SCHIP1: variants seen among roughly 807,000 people sequenced by gnomAD.
The protein encoded by SCHIP1 is schwannomin interacting protein 1, also known as schwannomin-interacting protein 1.
A neutral mutation model predicts 29.7 loss-of-function variants in SCHIP1; 8 were observed. The observed-to-expected ratio is 0.27, with a 90% CI of 0.16 to 0.49. SCHIP1 has a LOEUF of 0.49. SCHIP1 is among the 20% of genes least tolerant of loss of function. The pLI, the probability that SCHIP1 is intolerant of heterozygous loss-of-function variation, is 0.99. For synonymous variants in SCHIP1, 76 were observed against 94.9 expected, an observed-to-expected ratio of 0.80 and a Z score of 1.16; for missense variants, 193 against 294.6, an observed-to-expected ratio of 0.66 and a Z score of 2.52.
At chr3:159,584,382 A>T in the SCHIP1 span, among the ~76,000 whole-genome samples, 1 of 152,188 alleles carries the variant, frequency 6.6e-6, no homozygotes, top group Non-Finnish European at 1.5e-5. Flanking sequence ...AGTGCTATTT[A>T]ACGTTATCTT....
the SCHIP1 span, among the ~76,000 whole-genome samples, chr3:159,802,197 G>T: frequency 1.3e-5 from 2 of 151,870 alleles, no homozygotes; most frequent in African/African-American, 4.8e-5. Context: ...TTTATTTTTT[G>T]GCAGGTACTG....
chr3:159,683,655 G>A, the SCHIP1 span, among the ~76,000 whole-genome samples: 9 of 152,094 alleles, frequency 5.9e-5, no homozygotes, highest in South Asian at 6.2e-4. Context: ...GTCAACATAA[G>A]ATGCCCTCAA....
At chr3:159,539,245 A>AT in the SCHIP1 span, among the ~76,000 whole-genome samples, 11 of 139,250 alleles carry the variant, frequency 7.9e-5, no homozygotes, top group East Asian at 2.3e-4. Context: ...ATCAATTTTC[A>AT]AAGAACTTAG....
At chr3:159,370,558 T>C in the SCHIP1 span, among the ~76,000 whole-genome samples, 3 of 152,202 alleles carry the variant, frequency 2.0e-5, no homozygotes, top group African/African-American at 7.2e-5. Context: ...TGGTTGAGTC[T>C]GTGAGAGTGT....
the SCHIP1 span, among the ~76,000 whole-genome samples, chr3:159,546,965 T>C: frequency 6.6e-6 from 1 of 152,208 alleles, no homozygotes; most frequent in Non-Finnish European, 1.5e-5. Context: ...TCAAATGGTA[T>C]TGCTGATTCT....
At chr3:159,894,787 G>C (rs1037276763) in intron 6 of SCHIP1, 2 of 151,388 alleles carry the variant, frequency 1.3e-5, no homozygotes, top group African/African-American at 4.9e-5. Context: ...ATAACTTGCT[G>C]ATAAGAACCT....
chr3:159,484,541 T>C, the SCHIP1 span, among the ~76,000 whole-genome samples: 1 of 152,186 alleles, frequency 6.6e-6, no homozygotes, highest in African/African-American at 2.4e-5. Flanking sequence ...TGTCATTATG[T>C]GGCAGGAGAG....
At chr3:159,813,129 C>T in the SCHIP1 span, among the ~76,000 whole-genome samples, 2 of 152,218 alleles carry the variant, frequency 1.3e-5, no homozygotes, top group African/African-American at 4.8e-5. Context: ...GGGGACCAAG[C>T]TTCAACATGA....
At chr3:159,852,807 G>A (rs976881509) in intron 1 of SCHIP1, 1 of 152,208 alleles carries the variant, frequency 6.6e-6, no homozygotes, top group Non-Finnish European at 1.5e-5. Context: ...AAACATCTGT[G>A]TTACAGGTCA....
the SCHIP1 span, among the ~76,000 whole-genome samples, chr3:159,616,086 C>T: frequency 6.1e-5 from 9 of 147,160 alleles, no homozygotes; most frequent in Non-Finnish European, 1.3e-4. Flanking sequence ...GACAAGTCCT[C>T]TCAGAGAGCC....
chr3:159,882,295 T>C (rs1716520496), intron 2 of SCHIP1, among the ~76,000 whole-genome samples: 2 of 152,164 alleles, frequency 1.3e-5, no homozygotes, highest in Admixed American at 1.3e-4. Flanking sequence ...TACTTTAAAA[T>C]TCAATGCAAC....
the SCHIP1 span, among the ~76,000 whole-genome samples, chr3:159,438,073 G>A: frequency 2.2e-3 from 330 of 152,258 alleles, 4 homozygotes; most frequent in African/African-American, 7.7e-3. Context: ...AATATGATAA[G>A]CACTATATGA....
chr3:159,274,009 A>G, the SCHIP1 span: 16 of 1,494,142 alleles, frequency 1.1e-5, no homozygotes, highest in Non-Finnish European at 1.3e-5. Context: ...ACATTTTTAA[A>G]TTCAGAATTA....
the SCHIP1 span, among the ~76,000 whole-genome samples, chr3:159,520,352 T>C: frequency 6.6e-6 from 1 of 152,008 alleles, no homozygotes. Context: ...ACTAAGGTAC[T>C]GACAAGAAAC....
chr3:159,738,981 G>C, the SCHIP1 span, among the ~76,000 whole-genome samples: 4 of 152,232 alleles, frequency 2.6e-5, no homozygotes, highest in East Asian at 7.7e-4. Flanking sequence ...GCCAGATTGA[G>C]TAGGCTAGTA....
the SCHIP1 span, among the ~76,000 whole-genome samples, chr3:159,660,910 T>A: frequency 2.4e-4 from 37 of 152,284 alleles, no homozygotes; most frequent in African/African-American, 8.4e-4. Flanking sequence ...TCCATCCATC[T>A]ATCTATCCAT....
chr3:159,468,895 T>C, the SCHIP1 span, among the ~76,000 whole-genome samples: 2 of 151,482 alleles, frequency 1.3e-5, no homozygotes, highest in South Asian at 4.2e-4. Context: ...GCCTCCCAAG[T>C]AGCTGGGACT....
At chr3:159,407,586 G>C in the SCHIP1 span, among the ~76,000 whole-genome samples, 4,062 of 152,226 alleles carry the variant, frequency 0.027, 180 homozygotes, top group African/African-American at 0.093. Flanking sequence ...AATACACATT[G>C]TTCTCCTCAG....
At chr3:159,376,968 A>C in the SCHIP1 span, among the ~76,000 whole-genome samples, 1 of 152,164 alleles carries the variant, frequency 6.6e-6, no homozygotes, top group African/African-American at 2.4e-5. Context: ...TAATTTTGTA[A>C]GCTTGGATTC....
Sources: gnomAD v4.1 joint callset for allele counts (sites outside exome capture counted in the v4.1 genomes callset) on GRCh38, gnomAD v4.1.1 for gene constraint, MANE v1.5 for transcripts, NCBI Gene and HGNC (gene_info 2026-07-23, HGNC 2026-07-21) for gene names.